ZNG1F: variants seen among roughly 807,000 people sequenced by gnomAD.
The protein encoded by ZNG1F is Zn regulated GTPase metalloprotein activator 1F.
chr9:41,133,994 A>G, the ZNG1F span: 2 of 521,364 alleles, frequency 3.8e-6, no homozygotes, highest in African/African-American at 3.9e-5. Flanking sequence ...AAACTCACTC[A>G]AAAACCCTGA....
the ZNG1F span, among the ~76,000 whole-genome samples, chr9:41,187,702 G>A: frequency 7.3e-6 from 1 of 136,364 alleles, no homozygotes; most frequent in Non-Finnish European, 1.6e-5. Context: ...AGGATTTGGG[G>A]GGATGGTAAC....
chr9:41,160,201 CAACTT>C, the ZNG1F span, among the ~76,000 whole-genome samples: 4 of 16,418 alleles, frequency 2.4e-4, no homozygotes, highest in Non-Finnish European at 3.9e-4. Context: ...GCTACTAAAT[CAACTT>C]AAGTCTTACC....
At chr9:41,204,955 T>C in the ZNG1F span, among the ~76,000 whole-genome samples, 1 of 151,064 alleles carries the variant, frequency 6.6e-6, no homozygotes, top group African/African-American at 2.4e-5. Flanking sequence ...ATTAATTCAT[T>C]CCCAAGCTCT....
chr9:41,165,009 CG>C, the ZNG1F span: 1 of 1,587,576 alleles, frequency 6.3e-7, no homozygotes. Flanking sequence ...ACCTAAGTGT[CG>C]TTCTTAATTT....
chr9:41,144,664 C>A, the ZNG1F span, among the ~76,000 whole-genome samples: 1 of 148,384 alleles, frequency 6.7e-6, no homozygotes, highest in Non-Finnish European at 1.5e-5. Context: ...ACTTACACAT[C>A]CCCCACTCCA....
At chr9:41,178,104 CT>C in the ZNG1F span, among the ~76,000 whole-genome samples, 1 of 81,228 alleles carries the variant, frequency 1.2e-5, no homozygotes, top group Non-Finnish European at 2.5e-5. Context: ...AATGATTATG[CT>C]TAGTGAGGAA....
chr9:41,160,507 C>T, the ZNG1F span, among the ~76,000 whole-genome samples: 1 of 119,518 alleles, frequency 8.4e-6, no homozygotes, highest in Non-Finnish European at 1.8e-5. Context: ...ACTGCAAGCT[C>T]CGCCTCCCGG....
At chr9:41,150,821 G>A in the ZNG1F span, among the ~76,000 whole-genome samples, 1 of 102,972 alleles carries the variant, frequency 9.7e-6, no homozygotes, top group Middle Eastern at 5.2e-3. Flanking sequence ...AAACCCATCT[G>A]TACATCACCA....
At chr9:41,158,354 T>A in the ZNG1F span, 1 of 127,842 alleles carries the variant, frequency 7.8e-6, no homozygotes, top group Non-Finnish European at 1.7e-5. Flanking sequence ...TAAAAATAAA[T>A]AAAAATAAAA....
chr9:41,164,898 G>A, the ZNG1F span: 1 of 952,932 alleles, frequency 1.0e-6, no homozygotes, highest in Non-Finnish European at 1.6e-6. Context: ...CTTGAAGCAG[G>A]TCAACCTTAT....
chr9:41,139,731 A>C, the ZNG1F span, among the ~76,000 whole-genome samples: 1 of 151,806 alleles, frequency 6.6e-6, no homozygotes, highest in African/African-American at 2.4e-5. Flanking sequence ...TGTCCAGGAC[A>C]GTTGAATGGA....
At chr9:41,164,948 A>T in the ZNG1F span, 2 of 1,550,528 alleles carry the variant, frequency 1.3e-6, no homozygotes, top group Non-Finnish European at 1.7e-6. Context: ...AGTAAAAAAC[A>T]TTCTGTGTAT....
At chr9:41,152,437 G>C in the ZNG1F span, among the ~76,000 whole-genome samples, 3 of 147,120 alleles carry the variant, frequency 2.0e-5, 1 homozygote, top group Non-Finnish European at 4.5e-5. Flanking sequence ...ACATTAGACA[G>C]ATCAATGAGA....
chr9:41,200,839 G>C, the ZNG1F span, among the ~76,000 whole-genome samples: 26 of 152,056 alleles, frequency 1.7e-4, no homozygotes, highest in African/African-American at 5.1e-4. Context: ...ATCAGATCTT[G>C]TGAGACTTTT....
At chr9:41,155,358 G>C in the ZNG1F span, among the ~76,000 whole-genome samples, 2 of 149,054 alleles carry the variant, frequency 1.3e-5, no homozygotes, top group Non-Finnish European at 3.0e-5. Flanking sequence ...GGAAACAACA[G>C]GTGCTGGAGA....
chr9:41,187,700 G>A, the ZNG1F span, among the ~76,000 whole-genome samples: 1 of 136,684 alleles, frequency 7.3e-6, no homozygotes, highest in African/African-American at 2.7e-5. Flanking sequence ...GCAGGATTTG[G>A]GGGGATGGTA....
chr9:41,152,487 C>A, the ZNG1F span, among the ~76,000 whole-genome samples: 1 of 141,502 alleles, frequency 7.1e-6, no homozygotes, highest in Non-Finnish European at 1.6e-5. Context: ...GAACTCAGCT[C>A]TGCACCAAGC....
chr9:41,150,226 G>T, the ZNG1F span, among the ~76,000 whole-genome samples: 3 of 145,966 alleles, frequency 2.1e-5, no homozygotes, highest in South Asian at 6.7e-4. Context: ...GCACCTGTAA[G>T]ATTGGGTCAC....
chr9:41,185,725 T>C, the ZNG1F span, among the ~76,000 whole-genome samples: 1 of 147,430 alleles, frequency 6.8e-6, no homozygotes, highest in Admixed American at 6.8e-5. Context: ...TCTAGATTTT[T>C]ACTTCTGGAG....
Sources: gnomAD v4.1 joint callset for allele counts (sites outside exome capture counted in the v4.1 genomes callset) on GRCh38, gnomAD v4.1.1 for gene constraint, MANE v1.5 for transcripts, NCBI Gene and HGNC (gene_info 2026-07-23, HGNC 2026-07-21) for gene names.